The following ABCC8 variants were observed in gnomAD, a reference collection of about 807,000 sequenced individuals.
The protein encoded by ABCC8 is ATP-binding cassette sub-family C member 8.
Under a neutral mutation model 188.0 loss-of-function variants are expected in ABCC8, and 137 were observed. The ratio of observed to expected loss-of-function variants is 0.73; its 90% CI spans 0.63 to 0.84. The LOEUF is 0.84. ABCC8 is among the 40% of genes least tolerant of loss of function. The pLI, the probability that ABCC8 is intolerant of heterozygous loss-of-function variation, is 0.00. For missense variants in ABCC8, 1,750 were observed against 2,072.7 expected (o/e 0.84, Z 3.02); for synonymous variants, 797 against 846.5 (o/e 0.94, Z 1.01).
chr11:17,417,148 T>G (rs1370384214), intron 16 of ABCC8, 186 bp from the exon 17 acceptor site: 2 of 832,764 alleles, frequency 2.4e-6, no homozygotes, highest in Non-Finnish European at 2.9e-6. Context: ...CCACAGCACC[T>G]GGATGGGTAC....
Position 17,476,717 on chromosome 11 carries a change from C to A in ABCC8, c.60G>T (p.Gly20=). 1.2e-6 allele frequency: 2 copies of A among 1,610,030 alleles called. No individual in the cohort carries two copies. The highest frequency in any genetic ancestry group is 1.7e-6 in the Non-Finnish European group (2 of 1,178,414). Residue 20 remains glycine, a synonymous_variant, in exon 1 of 39, where the codon GGG becomes GGT. Transcript: ENST00000389817. ...NHSAAYRVDQ[G]VLNNGCFVDA... ...CCACAAAGCAGCCGTTGTTGAGGAC[C>A]CCCTGGTCCACCCGGTAGGCGGCCG...
At chr11:17,436,108 C>T in intron 10 of ABCC8, 1 of 822,966 alleles carries the variant, frequency 1.2e-6, no homozygotes, top group Admixed American at 1.7e-5. Flanking sequence ...AACAGCATTT[C>T]TGGTACAGAG....
In ABCC8 at chr11:17,430,979, T is replaced by C. The variant is rs931436550; in HGVS notation, c.1672-20A>G. 14 of 1,613,236 alleles carry C rather than the reference T, an allele frequency of 8.7e-6. No individual in the cohort carries two copies. Among genetic ancestry groups the C allele is most frequent in the Non-Finnish European group, 1.1e-5 (13 of 1,179,614 alleles). On this transcript the variant is annotated intron_variant, in intron 11 of 38. Transcript: ENST00000389817. The stretch of plus-strand genomic sequence containing the variant: ...GAAAGTCTGTGGACAGAGGCACAAG[T>C]GAGGCCAGGGTGGCCCAGGGTGTGG...
intron 7 of ABCC8, among the ~76,000 whole-genome samples, chr11:17,450,266 CTTTCTT>C (rs1956722022): frequency 1.0e-5 from 1 of 97,684 alleles, no homozygotes; most frequent in Non-Finnish European, 2.1e-5. Flanking sequence ...CTTTCTCTTT[CTTTCTT>C]TCTTTCTTTC....
At chr11:17,396,002 G>T in intron 33 of ABCC8, 72 bp from the exon 34 acceptor site, 2 of 1,548,032 alleles carry the variant, frequency 1.3e-6, no homozygotes, top group Non-Finnish European at 1.7e-6. Flanking sequence ...GCTAGCTCTG[G>T]GTGTGTGTGC....
chr11:17,393,149 C>T (rs373468498), intron 38 of ABCC8, 21 bp from the exon 39 acceptor site: 16 of 1,307,358 alleles, frequency 1.2e-5, no homozygotes, highest in African/African-American at 5.9e-5. Flanking sequence ...CAGGAGGGGG[C>T]GGGTCAGGAT....
Position 17,406,868 on chromosome 11 carries a change from C to G in ABCC8, c.3162+20G>C. Reference sequence around the variant, plus strand: ...CCCCCATCCCCACTCCCAACCTCTGCCATGGGCCGCCAGTCACACCTGGCT... The same window carrying G: ...CCCCCATCCCCACTCCCAACCTCTGGCATGGGCCGCCAGTCACACCTGGCT... On this transcript the variant is annotated intron_variant, in intron 25 of 38. Coordinates refer to ENST00000389817, the MANE Select transcript of ABCC8 (RefSeq NM_000352.6). 1 of 1,614,160 alleles carries G rather than the reference C, an allele frequency of 6.2e-7. No individual in the cohort carries two copies. Among genetic ancestry groups the G allele is most frequent in the Non-Finnish European group, 8.5e-7 (1 of 1,180,052 alleles).
intron 10 of ABCC8, among the ~76,000 whole-genome samples, chr11:17,439,783 G>C (rs373193798): frequency 6.6e-6 from 1 of 152,124 alleles, no homozygotes; most frequent in Non-Finnish European, 1.5e-5. Context: ...ACTTGGACAC[G>C]TGAGGAGTCC....
chr11:17,460,557 G>T lies in ABCC8; in HGVS notation c.942C>A (p.Phe314Leu). 6.2e-7 allele frequency: 1 copy of T among 1,614,054 alleles called. No individual in the cohort carries two copies. Among genetic ancestry groups the T allele is most frequent in the Non-Finnish European group, 8.5e-7 (1 of 1,180,044 alleles). Residue 314 changes from phenylalanine to leucine, a missense_variant, in exon 6 of 39, where the codon TTC becomes TTA. Physicochemically the swap from Phe to Leu is conservative, Grantham distance 22 (BLOSUM62 0). Coordinates refer to ENST00000389817, the MANE Select transcript of ABCC8 (RefSeq NM_000352.6). ...TFRILADLLG[F>L]AGPLCIFGIV... ...TCCCAAAGATGCACAGTGGCCCGGC[G>T]AAGCCCAGCAGGTCGGCCAAGATGC...
intron 12 of ABCC8, chr11:17,429,026 CT>C (rs1955727354): frequency 6.0e-6 from 2 of 331,754 alleles, no homozygotes; most frequent in Non-Finnish European, 1.1e-5. Flanking sequence ...GAATCAATAG[CT>C]AGTATTTTGT....
At chr11:17,432,283 C>A in intron 10 of ABCC8, 39 bp from the exon 11 acceptor site, 2 of 1,551,718 alleles carry the variant, frequency 1.3e-6, no homozygotes, top group Non-Finnish European at 1.7e-6. Flanking sequence ...GTGGGAGGAG[C>A]GTGACAGCTA....
chr11:17,467,795 A>G (rs1362882564), intron 3 of ABCC8, among the ~76,000 whole-genome samples: 2 of 152,218 alleles, frequency 1.3e-5, no homozygotes, highest in Non-Finnish European at 2.9e-5. Context: ...TCCCTGTTCT[A>G]GAATTTCTGG....
At chr11:17,428,518 C>T (rs1445106277) in intron 13 of ABCC8, 47 bp downstream of exon 13, 2 of 1,611,630 alleles carry the variant, frequency 1.2e-6, no homozygotes, top group Non-Finnish European at 1.7e-6. Context: ...AAGTTTTGGG[C>T]CTTAGAGGAC....
chr11:17,399,292 A>AC (rs1954111530), intron 29 of ABCC8, among the ~76,000 whole-genome samples: 1 of 147,762 alleles, frequency 6.8e-6, no homozygotes, highest in African/African-American at 2.6e-5. Flanking sequence ...AAAAAAAAAA[A>AC]AAAAAAAAAA....
chr11:17,461,261 C>A (rs552978077), intron 5 of ABCC8: 13 of 440,452 alleles, frequency 3.0e-5, no homozygotes, highest in African/African-American at 2.6e-4. Context: ...AGTCAGTAAG[C>A]TGCAGAGGAA....
chr11:17,410,452 C>T (rs1954753887), intron 22 of ABCC8, 64 bp downstream of exon 22: 8 of 1,570,814 alleles, frequency 5.1e-6, no homozygotes, highest in Non-Finnish European at 7.0e-6. Flanking sequence ...TTGGTTCCTG[C>T]CAAGATGCCT....
At position 17,404,321 on chromosome 11, in the gene ABCC8, C is replaced by A. The variant is rs1415178017; in HGVS notation, c.3557+191G>T. 6.6e-6 allele frequency among the ~76,000 whole-genome samples: 1 copy of A among 152,100 alleles called. No homozygotes were observed. The highest frequency in any genetic ancestry group is 6.5e-5 in the Admixed American group (1 of 15,268). On this transcript the variant is annotated intron_variant, in intron 28 of 38. Transcript: ENST00000389817. The surrounding 1 kb of genome is among the most constrained non-coding windows in gnomAD (Gnocchi z 4.7). ...ATTCAGATGTCAACCTCAGTGTGTGCGTGTGTTGGCAGACTATTATATTAG... is the reference window on the plus strand; with the variant it reads ...ATTCAGATGTCAACCTCAGTGTGTGAGTGTGTTGGCAGACTATTATATTAG...
At position 17,405,789 on chromosome 11, in the gene ABCC8, G is replaced by C. The variant is rs2073583; in HGVS notation, c.3330-226C>G. On this transcript the variant is annotated intron_variant, in intron 26 of 38. Coordinates refer to ENST00000389817, the MANE Select transcript of ABCC8 (RefSeq NM_000352.6). ...TTTCAGTTTCTCAAGCCCATCTGAC[G>C]ACTGCCGCCTTTCTCAGCTGCCGGC... Among the ~76,000 whole-genome samples, 117,440 of 152,188 alleles carry C rather than the reference G, an allele frequency of 0.77. 46,248 individuals are homozygous for C. The highest frequency in any genetic ancestry group is 0.93 in the African/African-American group (38,824 of 41,554).
chr11:17,404,604 G>C lies in ABCC8; in HGVS notation c.3465C>G (p.Val1155=), dbSNP rs368044193. ...GGAACACAGGTGTGACATAGGAGATGACGGCCAGGGCTGAGACACAGAGCA... is the reference window on the plus strand; with the variant it reads ...GGAACACAGGTGTGACATAGGAGATCACGGCCAGGGCTGAGACACAGAGCA... ...STLLCVSALA[V]ISYVTPVFLV... The change falls in exon 28 of 39, where the codon GTC becomes GTG. Residue 1155 remains valine, a synonymous_variant. Transcript: ENST00000389817. The surrounding 1 kb of genome is among the most constrained non-coding windows in gnomAD (Gnocchi z 4.7). The C allele has an allele frequency of 3.5e-5, 56 of 1,613,892 alleles. No homozygotes were observed. Among genetic ancestry groups the C allele is most frequent in the Non-Finnish European group, 4.6e-5 (54 of 1,180,028 alleles).
Sources: gnomAD v4.1 joint callset for allele counts (sites outside exome capture counted in the v4.1 genomes callset) on GRCh38, gnomAD v4.1.1 for gene constraint, Gnocchi (gnomAD v3.1) non-coding constraint, MANE v1.5 for transcripts, NCBI Gene and HGNC (gene_info 2026-07-23, HGNC 2026-07-21) for gene names.